DNM3: variants seen among roughly 807,000 people sequenced by gnomAD.
DNM3 encodes the protein dynamin 3.
A neutral mutation model predicts 101.6 loss-of-function variants in DNM3; 47 were observed. That is an observed-to-expected ratio of 0.46 (90% CI 0.37 to 0.59). The LOEUF is 0.59. Ranked by LOEUF, DNM3 falls within the 20% of genes least tolerant of loss-of-function variation. DNM3 has a pLI of 0.00. For synonymous variants in DNM3, 385 were observed against 387.9 expected (o/e 0.99, Z 0.09); for missense variants, 849 against 1,085.7 (o/e 0.78, Z 3.06).
At chr1:171,897,098 A>T (rs1194967758) in intron 1 of DNM3, among the ~76,000 whole-genome samples, 1 of 152,076 alleles carries the variant, frequency 6.6e-6, no homozygotes. Flanking sequence ...CATCTTCTTC[A>T]TGTGTAACAT....
rs1423280714 is a variant in DNM3, at chr1:172,019,683, G to A, written c.590-12719G>A. Among the ~76,000 whole-genome samples, 7 of 147,224 alleles carry A rather than the reference G, an allele frequency of 4.8e-5. No individual in the cohort carries two copies. In the East Asian group the frequency reaches 7.9e-4, roughly 17 times the overall value. On this transcript the variant is annotated intron_variant, in intron 4 of 20. Transcript: ENST00000627582. ...CCCCTAGTATTTTTTTTTTCTTTTC[G>A]ATTTTAGATGTTTCTATTGAAATAT...
chr1:172,396,564 C>G (rs546949540), intron 20 of DNM3, among the ~76,000 whole-genome samples: 1 of 152,150 alleles, frequency 6.6e-6, no homozygotes, highest in Non-Finnish European at 1.5e-5. Flanking sequence ...AAATACACCA[C>G]CACAGGAGAA....
chr1:171,887,813 G>A (rs948112856), intron 1 of DNM3, among the ~76,000 whole-genome samples: 9 of 151,964 alleles, frequency 5.9e-5, no homozygotes, highest in Admixed American at 2.0e-4. Flanking sequence ...TTAATTTATT[G>A]TAATCAAGTT....
At chr1:172,359,149 C>CACACACAT (rs1553244186) in intron 17 of DNM3, among the ~76,000 whole-genome samples, 1 of 150,884 alleles carries the variant, frequency 6.6e-6, no homozygotes, top group Non-Finnish European at 1.5e-5. Flanking sequence ...CACACACACA[C>CACACACAT]ACACACACAC....
rs1346953113 is a variant in DNM3, at chr1:172,411,672, T to G, written c.*3831T>G. 2.0e-6 allele frequency: 2 copies of G among 985,300 alleles called. No homozygotes were observed. Among genetic ancestry groups the G allele is most frequent in the Non-Finnish European group, 2.4e-6 (2 of 829,822 alleles). The allele number at this position is 985,300 out of a possible 1,614,324, so 61.0% of individuals were successfully genotyped here. On this transcript the variant is annotated 3_prime_UTR_variant, in exon 21 of 21. Transcript: ENST00000627582. ...ACTTTTTCAGGTAAACATTTTTCAT[T>G]TGGCAAATGGCATAATTATTTGAAA...
intron 16 of DNM3, among the ~76,000 whole-genome samples, 200 bp from the exon 17 acceptor site, chr1:172,323,129 A>G (rs536716622): frequency 1.3e-5 from 2 of 152,310 alleles, no homozygotes; most frequent in South Asian, 2.1e-4. Flanking sequence ...TGACTTGTCC[A>G]TGAGCTCTGG....
intron 16 of DNM3, among the ~76,000 whole-genome samples, chr1:172,317,223 G>A (rs1463838109): frequency 4.0e-5 from 6 of 150,934 alleles, no homozygotes; most frequent in Non-Finnish European, 8.9e-5. Flanking sequence ...AGAATCTCTG[G>A]GACACATTCA....
chr1:172,115,095 G>C (rs114907612), intron 13 of DNM3, among the ~76,000 whole-genome samples: 144 of 152,256 alleles, frequency 9.5e-4, no homozygotes, highest in Non-Finnish European at 1.7e-3. Context: ...GAAACATACA[G>C]TCTTTTCATT....
At chr1:172,237,376 G>C (rs1462578973) in intron 14 of DNM3, among the ~76,000 whole-genome samples, 5 of 152,114 alleles carry the variant, frequency 3.3e-5, no homozygotes, top group African/African-American at 9.7e-5. Flanking sequence ...GTATGTTCCA[G>C]CCGTGCCTGG....
intron 15 of DNM3, among the ~76,000 whole-genome samples, chr1:172,254,810 G>A (rs1326605342): frequency 5.3e-5 from 8 of 152,042 alleles, no homozygotes; most frequent in Non-Finnish European, 8.8e-5. Context: ...AGTATAAAAG[G>A]GGTACAACTA....
chr1:172,111,553 T>C (rs558014653), intron 13 of DNM3, among the ~76,000 whole-genome samples: 1 of 152,370 alleles, frequency 6.6e-6, no homozygotes, highest in African/African-American at 2.4e-5. Flanking sequence ...CTTGGCTATA[T>C]TAAGTAAGTT....
intron 20 of DNM3, chr1:172,389,070 T>A: frequency 2.0e-6 from 1 of 497,624 alleles, no homozygotes; most frequent in Non-Finnish European, 3.6e-6. Context: ...TGAATGACAT[T>A]TTGGCAGCTA....
At chr1:172,079,569 T>C (rs2052964285) in intron 11 of DNM3, among the ~76,000 whole-genome samples, 1 of 152,182 alleles carries the variant, frequency 6.6e-6, no homozygotes, top group African/African-American at 2.4e-5. Flanking sequence ...TAGAACATGC[T>C]CCTTTAGCTT....
intron 1 of DNM3, among the ~76,000 whole-genome samples, chr1:171,857,079 T>C (rs1197035916): frequency 6.6e-6 from 1 of 151,726 alleles, no homozygotes; most frequent in Non-Finnish European, 1.5e-5. Context: ...GCTGGCAGAG[T>C]GAATTGGGGC....
intron 17 of DNM3, among the ~76,000 whole-genome samples, chr1:172,355,084 G>T (rs139188180): frequency 6.6e-6 from 1 of 152,128 alleles, no homozygotes; most frequent in East Asian, 1.9e-4. Flanking sequence ...ACTTACATGC[G>T]CAAGCAGAAC....
chr1:172,182,214 A>G (rs958894157), intron 14 of DNM3, among the ~76,000 whole-genome samples: 1 of 151,782 alleles, frequency 6.6e-6, no homozygotes, highest in African/African-American at 2.4e-5. Context: ...GTCCAAGATC[A>G]GTTAGGGGAA....
chr1:172,085,368 C>G (rs2053457288), intron 12 of DNM3, among the ~76,000 whole-genome samples: 1 of 152,002 alleles, frequency 6.6e-6, no homozygotes, highest in Non-Finnish European at 1.5e-5. Flanking sequence ...CTCAGTAATC[C>G]TCTTTTGAAC....
chr1:172,022,816 T>C (rs2047938033), intron 4 of DNM3, among the ~76,000 whole-genome samples: 1 of 152,234 alleles, frequency 6.6e-6, no homozygotes, highest in East Asian at 1.9e-4. Context: ...GATTTAGCTG[T>C]CTTATATCCT....
At chr1:172,147,406 T>G (rs942378725) in intron 14 of DNM3, among the ~76,000 whole-genome samples, 6 of 152,168 alleles carry the variant, frequency 3.9e-5, no homozygotes, top group Non-Finnish European at 8.8e-5. Context: ...TCCTTGACTT[T>G]GAGGAACTAA....
Sources: gnomAD v4.1 joint callset for allele counts (sites outside exome capture counted in the v4.1 genomes callset) on GRCh38, gnomAD v4.1.1 for gene constraint, MANE v1.5 for transcripts, NCBI Gene and HGNC (gene_info 2026-07-23, HGNC 2026-07-21) for gene names.